SMAD2: variants seen among roughly 807,000 people sequenced by gnomAD.
The protein encoded by SMAD2 is SMAD family member 2, also known as MAD homolog 2.
In SMAD2, 8 loss-of-function variants were observed where a neutral mutation model predicts 64.4. That is an observed-to-expected ratio of 0.12 (90% CI 0.07 to 0.22). The LOEUF is 0.22. Among genes scored for constraint, SMAD2 ranks in the 10% least tolerant of loss-of-function variants. The pLI, the probability that SMAD2 is intolerant of heterozygous loss-of-function variation, is 1.00. For synonymous variants in SMAD2, 203 were observed against 195.8 expected (o/e 1.04, Z -0.31); for missense variants, 289 against 561.2 (o/e 0.51, Z 4.90).
Position 47,826,921 on chromosome 18 carries a change from T to C in SMAD2, c.*14906A>G, listed in dbSNP as rs1912774676. 6.6e-6 allele frequency: 1 copy of C among 152,178 alleles called. No individual in the cohort carries two copies. Among genetic ancestry groups the C allele is most frequent in the South Asian group, 2.1e-4 (1 of 4,830 alleles). The allele number at this position is 152,178 out of a possible 1,614,324, so 9.4% of individuals were successfully genotyped here. ...TCTCATTTAGTTCTCATAACCACCC[T>C]AAAAACTAACTTCCTCATTTTAGGG... On this transcript the variant is annotated 3_prime_UTR_variant, in exon 11 of 11. Transcript: ENST00000262160.
chr18:47,858,441 G>A lies in SMAD2; in HGVS notation c.730+6618C>T, dbSNP rs1194185376. On this transcript the variant is annotated intron_variant, in intron 6 of 10. Transcript: ENST00000262160. ...AAAACAACTGAAAGAAATGTCTGTA[G>A]TAAAGGAATAAAAAGCAGCAAAAAG... 3.3e-5 allele frequency among the ~76,000 whole-genome samples: 5 copies of A among 152,254 alleles called. No individual in the cohort carries two copies. The East Asian group carries it at 9.6e-4, about 29-fold the overall frequency.
At position 47,838,235 on chromosome 18, in the gene SMAD2, G is replaced by C. The variant is rs994228046; in HGVS notation, c.*3592C>G. Reference sequence around the variant, plus strand: ...AGCATTTGACAGTGTTTAAAAGACAGACAAATCAAGCAAAACTCAATGTGG... The same window carrying C: ...AGCATTTGACAGTGTTTAAAAGACACACAAATCAAGCAAAACTCAATGTGG... On this transcript the variant is annotated 3_prime_UTR_variant, in exon 11 of 11. Coordinates refer to ENST00000262160, the MANE Select transcript of SMAD2 (RefSeq NM_005901.6). The C allele has an allele frequency of 8.6e-6, 2 of 233,068 alleles. No individual in the cohort carries two copies. The highest frequency in any genetic ancestry group is 1.7e-5 in the Non-Finnish European group (2 of 117,848). 14.4% of individuals were successfully genotyped at this position (233,068 alleles called of 1,614,324 possible).
At chr18:47,880,225 A>C (rs2032507592) in intron 2 of SMAD2, among the ~76,000 whole-genome samples, 1 of 152,192 alleles carries the variant, frequency 6.6e-6, no homozygotes, top group African/African-American at 2.4e-5. Context: ...GTTTACCCCC[A>C]AGTCATAAAT....
intron 7 of SMAD2, among the ~76,000 whole-genome samples, chr18:47,850,772 T>A (rs1162454541): frequency 2.5e-4 from 3 of 11,770 alleles, no homozygotes; most frequent in Admixed American, 3.1e-3. Context: ...TTATATACAT[T>A]ATGTATAATA....
chr18:47,863,815 C>T (rs976964494), intron 6 of SMAD2, among the ~76,000 whole-genome samples: 1 of 152,184 alleles, frequency 6.6e-6, no homozygotes, highest in African/African-American at 2.4e-5. Flanking sequence ...TAGCTGGCCA[C>T]AATATGTTAA....
rs541662721 is a variant in SMAD2 at position 47,821,718 on chromosome 18, G to T, written c.*20109C>A. The T allele has an allele frequency of 6.6e-6, 1 of 151,998 alleles. No individual in the cohort carries two copies. The highest frequency in any genetic ancestry group is 1.5e-5 in the Non-Finnish European group (1 of 67,984). 9.4% of individuals were successfully genotyped at this position (151,998 alleles called of 1,614,324 possible). ...TTTACCATTTTGGCAACTGGCCTAAGAAAAATTTTATGTTCTATCAAGATA... is the reference window on the plus strand; with the variant it reads ...TTTACCATTTTGGCAACTGGCCTAATAAAAATTTTATGTTCTATCAAGATA... On this transcript the variant is annotated 3_prime_UTR_variant, in exon 11 of 11. Coordinates refer to ENST00000262160, the MANE Select transcript of SMAD2 (RefSeq NM_005901.6).
At chr18:47,847,374 G>GA (rs1423125993) in intron 8 of SMAD2, among the ~76,000 whole-genome samples, 3 of 151,372 alleles carry the variant, frequency 2.0e-5, no homozygotes, top group South Asian at 2.1e-4. Context: ...TGGTTAATTA[G>GA]AAAAAAAACA....
Position 47,838,807 on chromosome 18 carries a change from G to A in SMAD2, c.*3020C>T. ...AAGCCAGCCCCCAAGGTGTCTCTGT[G>A]GAACCTACTGGAAAAAATATTACTC... is the stretch of plus-strand genomic sequence containing the variant. On this transcript the variant is annotated 3_prime_UTR_variant, in exon 11 of 11. Coordinates refer to ENST00000262160, the MANE Select transcript of SMAD2 (RefSeq NM_005901.6). The A allele has an allele frequency of 4.3e-6, 1 of 232,528 alleles. No individual in the cohort carries two copies. The highest frequency in any genetic ancestry group is 5.6e-5 in the Admixed American group (1 of 17,740). 14.4% of individuals were successfully genotyped at this position (232,528 alleles called of 1,614,324 possible). A position where few individuals can be genotyped will look rare whatever the true frequency, so the allele number is the denominator to read the frequency against.
intron 2 of SMAD2, 27 bp from the exon 3 acceptor site, chr18:47,870,591 T>C: frequency 7.0e-7 from 1 of 1,423,862 alleles, no homozygotes; most frequent in Non-Finnish European, 9.9e-7. Context: ...AAACAAAAAA[T>C]TGATGTGAAC....
chr18:47,899,716 G>A (rs1416574446), intron 1 of SMAD2, among the ~76,000 whole-genome samples: 1 of 152,122 alleles, frequency 6.6e-6, no homozygotes, highest in Non-Finnish European at 1.5e-5. Flanking sequence ...CATTAGATAG[G>A]ATTAGAATGA....
intron 1 of SMAD2, chr18:47,920,295 G>A (rs890340936): frequency 4.6e-5 from 7 of 152,144 alleles, no homozygotes; most frequent in African/African-American, 1.7e-4. Context: ...CCATCACAGC[G>A]GGAATTACAA....
intron 5 of SMAD2, chr18:47,867,139 A>G (rs1398777053): frequency 6.6e-6 from 1 of 151,952 alleles, no homozygotes; most frequent in Non-Finnish European, 1.5e-5. Flanking sequence ...CCCTCCTCCT[A>G]GTGTTATCAT....
At chr18:47,890,587 G>C (rs2033143735) in intron 2 of SMAD2, among the ~76,000 whole-genome samples, 1 of 152,152 alleles carries the variant, frequency 6.6e-6, no homozygotes, top group Non-Finnish European at 1.5e-5. Flanking sequence ...TACTGTGAAA[G>C]TACTCAGATA....
intron 1 of SMAD2, among the ~76,000 whole-genome samples, chr18:47,924,995 G>A (rs1205095900): frequency 1.3e-5 from 2 of 152,138 alleles, no homozygotes; most frequent in African/African-American, 2.4e-5. Context: ...ATGAACAGAT[G>A]GAATACCAGT....
intron 7 of SMAD2, among the ~76,000 whole-genome samples, chr18:47,850,780 ATATATAT>A (rs1196874429): frequency 5.1e-4 from 4 of 7,886 alleles, no homozygotes; most frequent in African/African-American, 9.5e-4. Flanking sequence ...ATTATGTATA[ATATATAT>A]TATATATTAT....
rs756840405 is a variant in SMAD2 at position 47,824,238 on chromosome 18, A to C, written c.*17589T>G. 1.3e-5 allele frequency: 2 copies of C among 152,252 alleles called. No homozygotes were observed. The highest frequency in any genetic ancestry group is 2.9e-5 in the Non-Finnish European group (2 of 68,062). The allele number at this position is 152,252 out of a possible 1,614,324, so 9.4% of individuals were successfully genotyped here. Reference sequence around the variant, plus strand: ...AAGAGTCATGTTTCCAAAAGCCCTGACAAATGGAGCCAGGGAAGTCCATGA... The same window carrying C: ...AAGAGTCATGTTTCCAAAAGCCCTGCCAAATGGAGCCAGGGAAGTCCATGA... On this transcript the variant is annotated 3_prime_UTR_variant, in exon 11 of 11. Transcript: ENST00000262160.
rs1296577363 is a variant in SMAD2 at position 47,838,572 on chromosome 18, TTAAAG to T, written c.*3250_*3254del. 1.3e-5 allele frequency: 3 copies of T among 232,976 alleles called. No homozygotes were observed. The highest frequency in any genetic ancestry group is 2.5e-5 in the Non-Finnish European group (3 of 117,892). The allele number at this position is 232,976 out of a possible 1,614,324, so 14.4% of individuals were successfully genotyped here. A position where few individuals can be genotyped will look rare whatever the true frequency, so the allele number is the denominator to read the frequency against. On this transcript the variant is annotated 3_prime_UTR_variant, in exon 11 of 11. Transcript: ENST00000262160. ...CTCAAATCTAATCATGAAAGCTTCT[TTAAAG>T]TAGGATAAAAAGAGCACAATCAGCG...
chr18:47,850,264 A>C (rs1915054186), intron 7 of SMAD2, among the ~76,000 whole-genome samples: 1 of 80,134 alleles, frequency 1.2e-5, no homozygotes, highest in East Asian at 4.1e-4. Flanking sequence ...ATTATGTATA[A>C]TATATATTAT....
At position 47,845,396 on chromosome 18, in the gene SMAD2, T is replaced by C; in HGVS notation, c.1224A>G (p.Leu408=). The change falls in exon 10 of 11, where the codon CTA becomes CTG. Residue 408 remains leucine, a synonymous_variant. Coordinates refer to ENST00000262160, the MANE Select transcript of SMAD2 (RefSeq NM_005901.6). ...VNQGFEAVYQ[L]TRMCTIRMSF... Reference sequence around the variant, plus strand: ...TCATTCTTATGGTGCACATTCTAGTTAGCTGATAGACGGCTTCAAAACCCT... The same window carrying C: ...TCATTCTTATGGTGCACATTCTAGTCAGCTGATAGACGGCTTCAAAACCCT... 6.2e-7 allele frequency: 1 copy of C among 1,613,840 alleles called. No homozygotes were observed. Among genetic ancestry groups the C allele is most frequent in the South Asian group, 1.1e-5 (1 of 91,068 alleles).
Sources: allele counts gnomAD v4.1 joint callset (sites outside exome capture counted in the v4.1 genomes callset), GRCh38; gene constraint gnomAD v4.1.1; transcripts MANE v1.5; gene names NCBI Gene and HGNC (gene_info 2026-07-23, HGNC 2026-07-21).